QRICH1: variants seen among roughly 807,000 people sequenced by gnomAD.
The protein encoded by QRICH1 is transcriptional regulator QRICH1.
QRICH1 carries 16 observed loss-of-function variants against 87.1 expected under a neutral mutation model. The observed-to-expected ratio is 0.18, with a 90% CI of 0.12 to 0.28. The LOEUF (loss-of-function observed/expected upper bound fraction) is 0.28, where lower values mean the gene tolerates loss of function less well. Ranked by LOEUF, QRICH1 falls within the 10% of genes least tolerant of loss-of-function variation. The pLI is 1.00. For synonymous variants in QRICH1, 367 were observed against 368.4 expected (o/e 1.00, Z 0.05); for missense variants, 647 against 951.7 (o/e 0.68, Z 4.21).
At chr3:49,086,447 C>T (rs571596823) in intron 1 of QRICH1, among the ~76,000 whole-genome samples, 43 of 151,708 alleles carry the variant, frequency 2.8e-4, no homozygotes, top group Non-Finnish European at 5.3e-4. Context: ...TTAGTAGAGA[C>T]GGGGTTTCGC....
intron 1 of QRICH1, among the ~76,000 whole-genome samples, chr3:49,089,146 C>T (rs977610421): frequency 5.9e-5 from 9 of 151,822 alleles, no homozygotes; most frequent in South Asian, 4.2e-4. Context: ...CTGCAACCTC[C>T]GCCTACAGGT....
intron 1 of QRICH1, chr3:49,087,218 C>G (rs2042182450): frequency 6.6e-6 from 1 of 152,262 alleles, no homozygotes; most frequent in Non-Finnish European, 1.5e-5. Context: ...GATCGCGCCA[C>G]TGCACTCCAG....
chr3:49,069,537 G>A (rs1428858349), intron 2 of QRICH1, among the ~76,000 whole-genome samples: 1 of 137,722 alleles, frequency 7.3e-6, no homozygotes, highest in African/African-American at 2.7e-5. Context: ...AGATCCATGG[G>A]GGGGAATTTT....
rs186948400 is a variant in QRICH1 at position 49,033,209 on chromosome 3, G to A, written c.1806C>T (p.His602=). 9.5e-6 allele frequency: 15 copies of A among 1,573,948 alleles called. No individual in the cohort carries two copies. Among genetic ancestry groups the A allele is most frequent in the Admixed American group, 7.6e-5 (4 of 52,664 alleles). ...ACTCCCATAGCATCTCCTCAGTCAC[G>A]TGGCTGGGCAAGACATAGCCTAGGA... ...VTPLGYVLPS[H]VTEEMLWECK... Residue 602 remains histidine, a synonymous_variant, in exon 7 of 10, where the codon CAC becomes CAT. Transcript: ENST00000395443.
rs1029737044 is a variant in QRICH1, at chr3:49,064,234, A to ATT, written c.310-6346_310-6345dup. Among the ~76,000 whole-genome samples the ATT allele has an allele frequency of 1.8e-3, 170 of 92,250 alleles. 2 individuals carry two copies. Among genetic ancestry groups the ATT allele is most frequent in the African/African-American group, 4.2e-3 (101 of 24,036 alleles). 60.5% of individuals were successfully genotyped at this position (92,250 alleles called of 152,430 possible). On this transcript the variant is annotated intron_variant, in intron 2 of 9. Coordinates refer to ENST00000395443, the MANE Select transcript of QRICH1 (RefSeq NM_198880.3). ...GCGTGAGCCACCATGGCTGGCCCTA[A>ATT]TTTTTTTTTTTTTTTTTTTTTTTTG... is the stretch of plus-strand genomic sequence containing the variant.
intron 6 of QRICH1, among the ~76,000 whole-genome samples, 186 bp downstream of exon 6, chr3:49,044,204 C>G (rs1184673124): frequency 6.6e-6 from 1 of 152,196 alleles, no homozygotes; most frequent in Non-Finnish European, 1.5e-5. Flanking sequence ...CACACTGGAA[C>G]CAGCAGGCTT....
Position 49,083,992 on chromosome 3 carries a change from G to A in QRICH1, c.-21-6954C>T, listed in dbSNP as rs180866731. Among the ~76,000 whole-genome samples the A allele has an allele frequency of 3.4e-3, 516 of 152,104 alleles. 5 individuals carry two copies. Among genetic ancestry groups the A allele is most frequent in the African/African-American group, 0.012 (487 of 41,570 alleles). ...AATTTTTGTATTTTTAGTAGAGGCAGGGTTTCACCATCTTGGCCAAGCTGG... is the reference window on the plus strand; with the variant it reads ...AATTTTTGTATTTTTAGTAGAGGCAAGGTTTCACCATCTTGGCCAAGCTGG... On this transcript the variant is annotated intron_variant, in intron 1 of 9. Coordinates refer to ENST00000395443, the MANE Select transcript of QRICH1 (RefSeq NM_198880.3).
chr3:49,032,393 A>C, intron 8 of QRICH1, 120 bp from the exon 9 acceptor site: 1 of 839,810 alleles, frequency 1.2e-6, no homozygotes, highest in East Asian at 2.6e-5. Flanking sequence ...CGGGGGAGGG[A>C]AGGTATGAGG....
intron 1 of QRICH1, chr3:49,093,569 G>A (rs941003738): frequency 1.3e-5 from 2 of 152,240 alleles, no homozygotes; most frequent in African/African-American, 4.8e-5. Context: ...GGTTGCCCAC[G>A]GGCCACAGCT....
chr3:49,071,776 A>G (rs2041833447), intron 2 of QRICH1, among the ~76,000 whole-genome samples: 1 of 152,140 alleles, frequency 6.6e-6, no homozygotes, highest in African/African-American at 2.4e-5. Context: ...CGCTGCAACC[A>G]TGACCTCCCA....
chr3:49,079,569 G>C (rs1207824933), intron 1 of QRICH1, among the ~76,000 whole-genome samples: 1 of 151,032 alleles, frequency 6.6e-6, no homozygotes, highest in East Asian at 1.9e-4. Context: ...GGTCAACGAT[G>C]TCCACATCAC....
At chr3:49,082,444 A>ACTTT (rs2042079757) in intron 1 of QRICH1, among the ~76,000 whole-genome samples, 1 of 152,192 alleles carries the variant, frequency 6.6e-6, no homozygotes, top group Admixed American at 6.6e-5. Flanking sequence ...AGTACCTTTA[A>ACTTT]AAAGTTACTA....
At chr3:49,066,987 G>A (rs954855277) in intron 2 of QRICH1, among the ~76,000 whole-genome samples, 5 of 151,852 alleles carry the variant, frequency 3.3e-5, no homozygotes, top group Admixed American at 2.6e-4. Context: ...GCAGTGAGCC[G>A]AGAACATGGC....
At chr3:49,035,626 G>A (rs2093269776) in intron 6 of QRICH1, among the ~76,000 whole-genome samples, 1 of 150,692 alleles carries the variant, frequency 6.6e-6, no homozygotes, top group Admixed American at 6.6e-5. Context: ...AACATAGGGA[G>A]ACCCTGTCAA....
At position 49,032,441 on chromosome 3, in the gene QRICH1, T is replaced by G. The variant is rs1367639343; in HGVS notation, c.2048-168A>C. On this transcript the variant is annotated intron_variant, in intron 8 of 9. Coordinates refer to ENST00000395443, the MANE Select transcript of QRICH1 (RefSeq NM_198880.3). Reference sequence around the variant, plus strand: ...CTACTAAGGGAAGAGGCAGCTATTCTGTCTGGGGCTTCTCTGCTTCTAGGA... The same window carrying G: ...CTACTAAGGGAAGAGGCAGCTATTCGGTCTGGGGCTTCTCTGCTTCTAGGA... 1.5e-5 allele frequency: 13 copies of G among 881,168 alleles called. No homozygotes were observed. In the Admixed American group the frequency reaches 3.1e-4, roughly 21 times the overall value. 54.6% of individuals were successfully genotyped at this position (881,168 alleles called of 1,614,324 possible).
At chr3:49,051,608 T>G in intron 3 of QRICH1, among the ~76,000 whole-genome samples, 1 of 71,850 alleles carries the variant, frequency 1.4e-5, no homozygotes, top group Non-Finnish European at 2.6e-5. Context: ...CCGCTTAATA[T>G]ACCTAGTGGG....
intron 6 of QRICH1, chr3:49,033,717 A>G: frequency 6.6e-6 from 1 of 152,390 alleles, no homozygotes. Context: ...GGCCAGGCGC[A>G]GTGGCTGATG....
chr3:49,043,800 T>G (rs562027031), intron 6 of QRICH1, among the ~76,000 whole-genome samples: 1 of 152,254 alleles, frequency 6.6e-6, no homozygotes, highest in South Asian at 2.1e-4. Flanking sequence ...GCCACTGCAC[T>G]CCACCCTGGG....
intron 1 of QRICH1, among the ~76,000 whole-genome samples, chr3:49,082,254 G>C (rs1459029131): frequency 6.6e-6 from 1 of 152,126 alleles, no homozygotes; most frequent in African/African-American, 2.4e-5. Flanking sequence ...CTCTATTTTT[G>C]ACAAACATTT....
Sources: gnomAD v4.1 joint callset for allele counts (sites outside exome capture counted in the v4.1 genomes callset) on GRCh38, gnomAD v4.1.1 for gene constraint, MANE v1.5 for transcripts, NCBI Gene and HGNC (gene_info 2026-07-23, HGNC 2026-07-21) for gene names.